The following SEM1 variants were observed in gnomAD, a reference collection of about 807,000 sequenced individuals.
SEM1 encodes the protein SEM1 26S proteasome subunit, also known as 26S proteasome complex subunit SEM1.
SEM1 carries 3 observed loss-of-function variants against 12.7 expected under a neutral mutation model. The ratio of observed to expected loss-of-function variants is 0.24; its 90% CI spans 0.11 to 0.61. The LOEUF (loss-of-function observed/expected upper bound fraction) is 0.61. Ranked by LOEUF, SEM1 falls within the 20% of genes least tolerant of loss-of-function variation. The probability of loss-of-function intolerance (pLI) is 0.88; values close to 1 mark genes in which losing one functional copy is unlikely to be tolerated. For missense variants in SEM1, 59 were observed against 81.3 expected (o/e 0.73, Z 1.06); for synonymous variants, 30 against 27.8 (o/e 1.08, Z -0.25).
At chr7:96,591,256 A>T (rs1335149203) in intron 2 of SEM1, among the ~76,000 whole-genome samples, 1 of 152,158 alleles carries the variant, frequency 6.6e-6, no homozygotes, top group Non-Finnish European at 1.5e-5. Context: ...TTACACGAAC[A>T]GCAAATCTCT....
chr7:96,625,832 C>A (rs1808044192), intron 2 of SEM1, among the ~76,000 whole-genome samples: 1 of 151,964 alleles, frequency 6.6e-6, no homozygotes, highest in African/African-American at 2.4e-5. Flanking sequence ...TTCTTATTTG[C>A]CTTTAAGTGT....
At chr7:96,617,127 A>G (rs1807746375) in intron 2 of SEM1, among the ~76,000 whole-genome samples, 1 of 152,066 alleles carries the variant, frequency 6.6e-6, no homozygotes, top group Non-Finnish European at 1.5e-5. Context: ...GATCTGTAGA[A>G]TGCTTTGGAC....
At chr7:96,545,541 T>C (rs984183721) in intron 2 of SEM1, among the ~76,000 whole-genome samples, 5 of 152,122 alleles carry the variant, frequency 3.3e-5, no homozygotes, top group African/African-American at 9.7e-5. Flanking sequence ...CTAAGTTTTA[T>C]GTATTGCTAA....
intron 2 of SEM1, among the ~76,000 whole-genome samples, chr7:96,608,740 C>A (rs565923509): frequency 6.6e-6 from 1 of 152,348 alleles, no homozygotes; most frequent in African/African-American, 2.4e-5. Flanking sequence ...CATGCTGTAG[C>A]ATGTACAATA....
At chr7:96,586,336 G>C (rs6465528) in intron 2 of SEM1, among the ~76,000 whole-genome samples, 136,486 of 152,190 alleles carry the variant, frequency 0.9, 63,074 homozygotes, top group East Asian at 1. Flanking sequence ...AATCCCAGAG[G>C]CTGTACATGT....
chr7:96,703,702 A>ACCTT, intron 1 of SEM1, among the ~76,000 whole-genome samples: 1 of 151,782 alleles, frequency 6.6e-6, no homozygotes, highest in Non-Finnish European at 1.5e-5. Flanking sequence ...TAATCCCAGC[A>ACCTT]CCTGGGAAGA....
At chr7:96,629,264 A>C (rs1221326140) in intron 2 of SEM1, among the ~76,000 whole-genome samples, 1 of 152,084 alleles carries the variant, frequency 6.6e-6, no homozygotes, top group Non-Finnish European at 1.5e-5. Flanking sequence ...CTTTAAGGCC[A>C]ACAACTCTTA....
intron 2 of SEM1, among the ~76,000 whole-genome samples, chr7:96,630,995 G>A (rs2116334569): frequency 6.6e-6 from 1 of 152,296 alleles, no homozygotes; most frequent in Non-Finnish European, 1.5e-5. Context: ...CTGTGGCTGA[G>A]CTTATCCAAG....
intron 2 of SEM1, among the ~76,000 whole-genome samples, chr7:96,628,478 C>T (rs1808143205): frequency 6.6e-6 from 1 of 152,066 alleles, no homozygotes. Context: ...AAACTGATGA[C>T]AACTGAATAC....
chr7:96,525,725 C>T (rs1355591086), intron 2 of SEM1, among the ~76,000 whole-genome samples: 2 of 152,136 alleles, frequency 1.3e-5, no homozygotes, highest in Non-Finnish European at 2.9e-5. Flanking sequence ...AGCAGGCAAG[C>T]CAGAATTACT....
At chr7:96,483,829 C>T in exon 4 of SEM1, 1 of 1,536,294 alleles carries the variant, frequency 6.5e-7, no homozygotes, top group Non-Finnish European at 8.7e-7. Flanking sequence ...ACCATATGAC[C>T]AGACTTCCAT....
At chr7:96,628,752 TG>T (rs1808153593) in intron 2 of SEM1, among the ~76,000 whole-genome samples, 1 of 152,210 alleles carries the variant, frequency 6.6e-6, no homozygotes, top group Admixed American at 6.5e-5. Context: ...TAGCTTCCGA[TG>T]ATTTTATATT....
chr7:96,617,551 C>T (rs78562989), intron 2 of SEM1, among the ~76,000 whole-genome samples: 5,249 of 152,204 alleles, frequency 0.034, 130 homozygotes, highest in Non-Finnish European at 0.052. Context: ...CCTGATTGCT[C>T]TGGTGAGGAC....
chr7:96,514,962 A>T (rs933073937), intron 2 of SEM1, among the ~76,000 whole-genome samples: 1 of 152,144 alleles, frequency 6.6e-6, no homozygotes, highest in Non-Finnish European at 1.5e-5. Flanking sequence ...CACAATATTG[A>T]CGGAGAGCAA....
At chr7:96,614,985 C>G (rs1371319906) in intron 2 of SEM1, among the ~76,000 whole-genome samples, 1 of 152,084 alleles carries the variant, frequency 6.6e-6, no homozygotes, top group East Asian at 1.9e-4. Context: ...CAAAATCTGA[C>G]TTGTTGGCTG....
chr7:96,672,318 T>C (rs1179038620), downstream of SEM1, among the ~76,000 whole-genome samples: 7 of 152,172 alleles, frequency 4.6e-5, no homozygotes, highest in Admixed American at 2.0e-4. Context: ...AAAAGTTTGA[T>C]GGAAAGAGCC....
chr7:96,600,734 A>G (rs936389822), intron 2 of SEM1, among the ~76,000 whole-genome samples: 1 of 152,160 alleles, frequency 6.6e-6, no homozygotes, highest in Admixed American at 6.6e-5. Flanking sequence ...GCTCAGTTCT[A>G]GCCTCAACAA....
intron 2 of SEM1, among the ~76,000 whole-genome samples, chr7:96,573,598 C>G (rs946182388): frequency 6.6e-6 from 1 of 152,156 alleles, no homozygotes; most frequent in African/African-American, 2.4e-5. Flanking sequence ...ATTGGCCCCC[C>G]TCTCTTCTAC....
At chr7:96,499,661 G>T (rs1457976366), upstream of SEM1, among the ~76,000 whole-genome samples, 2 of 152,154 alleles carry the variant, frequency 1.3e-5, no homozygotes, top group African/African-American at 4.8e-5. Context: ...AAACAAGTCA[G>T]TTGTGCCTAT....
Sources: allele counts gnomAD v4.1 joint callset (sites outside exome capture counted in the v4.1 genomes callset), GRCh38; gene constraint gnomAD v4.1.1; transcripts MANE v1.5; gene names NCBI Gene and HGNC (gene_info 2026-07-23, HGNC 2026-07-21).